The following ADAM22 variants were observed in gnomAD, a reference collection of about 807,000 sequenced individuals.
The protein encoded by ADAM22 is ADAM metallopeptidase domain 22.
ADAM22 carries 65 observed loss-of-function variants against 144.6 expected under a neutral mutation model. The ratio of observed to expected loss-of-function variants is 0.45; its 90% CI spans 0.37 to 0.55. The LOEUF (loss-of-function observed/expected upper bound fraction) is 0.55. Ranked by LOEUF, ADAM22 falls within the 20% of genes least tolerant of loss-of-function variation. The pLI, the probability that ADAM22 is intolerant of heterozygous loss-of-function variation, is 0.00. For missense variants in ADAM22, 974 were observed against 1,184.9 expected (o/e 0.82, Z 2.61); for synonymous variants, 391 against 412.6 (o/e 0.95, Z 0.63).
intron 14 of ADAM22, among the ~76,000 whole-genome samples, chr7:88,142,743 C>A (rs568861354): frequency 6.6e-6 from 1 of 151,478 alleles, no homozygotes; most frequent in African/African-American, 2.4e-5. Flanking sequence ...GAGGCTGAGG[C>A]AGGAGAATGG....
intron 3 of ADAM22, among the ~76,000 whole-genome samples, chr7:88,040,830 T>C (rs1303800071): frequency 6.6e-6 from 1 of 151,088 alleles, no homozygotes; most frequent in African/African-American, 2.4e-5. Flanking sequence ...GGTTTGGGGG[T>C]TTTCTCAGAG....
intron 5 of ADAM22, among the ~76,000 whole-genome samples, chr7:88,108,734 AAATAAAG>A (rs1825199011): frequency 8.2e-6 from 1 of 121,300 alleles, no homozygotes; most frequent in African/African-American, 2.8e-5. Context: ...GATTCAAAAA[AAATAAAG>A]AAAGAAAGAA....
At chr7:88,152,621 A>G (rs1306635217) in intron 20 of ADAM22, among the ~76,000 whole-genome samples, 1 of 152,126 alleles carries the variant, frequency 6.6e-6, no homozygotes, top group Non-Finnish European at 1.5e-5. Flanking sequence ...AGAATAGAGT[A>G]TATATTCAAG....
chr7:88,160,872 C>T (rs1841417776), intron 22 of ADAM22, among the ~76,000 whole-genome samples: 1 of 151,994 alleles, frequency 6.6e-6, no homozygotes, highest in Non-Finnish European at 1.5e-5. Flanking sequence ...AGGACAAAAA[C>T]CAAACACCGT....
intron 3 of ADAM22, among the ~76,000 whole-genome samples, chr7:87,980,900 C>G (rs34925064): frequency 0.27 from 41,704 of 152,022 alleles, 7,678 homozygotes; most frequent in Non-Finnish European, 0.39. Flanking sequence ...AACATATGGC[C>G]TGGTCTGGCC....
intron 3 of ADAM22, among the ~76,000 whole-genome samples, chr7:88,016,178 T>A (rs1256006641): frequency 6.6e-6 from 1 of 152,208 alleles, no homozygotes; most frequent in Non-Finnish European, 1.5e-5. Flanking sequence ...CTCTGAGTAA[T>A]CTTCATGCAA....
intron 4 of ADAM22, among the ~76,000 whole-genome samples, chr7:88,076,449 T>C (rs1320017021): frequency 1.3e-5 from 2 of 152,144 alleles, no homozygotes; most frequent in Non-Finnish European, 2.9e-5. Flanking sequence ...GGTGAAAACT[T>C]GGGTCCAGGG....
chr7:88,166,685 G>T (rs556163490), intron 24 of ADAM22, among the ~76,000 whole-genome samples: 1 of 152,136 alleles, frequency 6.6e-6, no homozygotes, highest in South Asian at 2.1e-4. Context: ...AGGGTAAACA[G>T]TTTTAGCTAA....
chr7:87,989,128 T>G (rs1789147956), intron 3 of ADAM22, among the ~76,000 whole-genome samples: 1 of 152,192 alleles, frequency 6.6e-6, no homozygotes, highest in Non-Finnish European at 1.5e-5. Context: ...TAGGTTTGGT[T>G]TTTGAAGGTG....
chr7:88,179,217 A>G, intron 27 of ADAM22, 88 bp downstream of exon 27: 1 of 560,948 alleles, frequency 1.8e-6, no homozygotes, highest in South Asian at 2.1e-5. Context: ...CCATATGCTC[A>G]GAACCACTCA....
chr7:88,092,554 T>TTATGCAGACA (rs1482029135), intron 4 of ADAM22, among the ~76,000 whole-genome samples: 8 of 152,234 alleles, frequency 5.3e-5, no homozygotes, highest in Admixed American at 2.0e-4. Flanking sequence ...CCTGGCAGGC[T>TTATGCAGACA]TATGCAGACA....
intron 3 of ADAM22, among the ~76,000 whole-genome samples, chr7:88,051,363 A>C (rs891708822): frequency 2.6e-5 from 4 of 152,222 alleles, no homozygotes; most frequent in Non-Finnish European, 4.4e-5. Context: ...ATGGAATACT[A>C]TGCAGCCATA....
At chr7:87,939,857 T>C (rs1054125116) in intron 2 of ADAM22, among the ~76,000 whole-genome samples, 2 of 152,196 alleles carry the variant, frequency 1.3e-5, no homozygotes, top group Non-Finnish European at 2.9e-5. Flanking sequence ...AGAGAACTTA[T>C]AGGTTATCTA....
chr7:87,988,708 G>A (rs914385262), intron 3 of ADAM22, among the ~76,000 whole-genome samples: 1 of 152,036 alleles, frequency 6.6e-6, no homozygotes, highest in African/African-American at 2.4e-5. Flanking sequence ...ATTATTTTTT[G>A]TGCTGCCTTT....
chr7:88,014,478 C>T (rs146555202), intron 3 of ADAM22, among the ~76,000 whole-genome samples: 2,356 of 152,226 alleles, frequency 0.015, 41 homozygotes, highest in Non-Finnish European at 0.022. Context: ...TGAAGTGGCT[C>T]ATACCTGTAA....
intron 3 of ADAM22, among the ~76,000 whole-genome samples, chr7:88,043,398 T>C (rs970800106): frequency 1.3e-5 from 2 of 150,508 alleles, no homozygotes; most frequent in East Asian, 1.9e-4. Context: ...GGCAGGAGAA[T>C]GGTGTAAACC....
intron 18 of ADAM22, 85 bp downstream of exon 18, chr7:88,149,142 T>C: frequency 1.1e-6 from 1 of 890,742 alleles, no homozygotes; most frequent in Non-Finnish European, 1.8e-6. Flanking sequence ...GAAATGTAAA[T>C]GAACAAGATG....
Position 87,938,097 on chromosome 7 carries a change from A to C in ADAM22, c.246+2911A>C, listed in dbSNP as rs549345084. ...CACTATTGGCATTTCTAGTTTCCCTAAGAGCAATCATTGGATTGAAAAACA... is the reference window on the plus strand; with the variant it reads ...CACTATTGGCATTTCTAGTTTCCCTCAGAGCAATCATTGGATTGAAAAACA... On this transcript the variant is annotated intron_variant, in intron 2 of 31. Transcript: ENST00000413139. Among the ~76,000 whole-genome samples the C allele has an allele frequency of 1.7e-4, 26 of 152,196 alleles. 1 individual carries two copies. In the South Asian group the frequency reaches 4.8e-3, roughly 28 times the overall value.
Position 88,143,006 on chromosome 7 carries a change from G to C in ADAM22, c.1221-20G>C. ...GAAAGATGAGTTGAACCCAGCTATT[G>C]CTTTTCTTCTCTTTTATAGCTATTA... On this transcript the variant is annotated intron_variant, in intron 14 of 31. Coordinates refer to ENST00000413139, the MANE Select transcript of ADAM22 (RefSeq NM_001324418.2). 1 of 1,496,208 alleles carries C rather than the reference G, an allele frequency of 6.7e-7. No homozygotes were observed. Among genetic ancestry groups the C allele is most frequent in the Non-Finnish European group, 9.3e-7 (1 of 1,079,204 alleles). 92.7% of individuals were successfully genotyped at this position (1,496,208 alleles called of 1,614,324 possible).
Sources: gnomAD v4.1 joint callset for allele counts (sites outside exome capture counted in the v4.1 genomes callset) on GRCh38, gnomAD v4.1.1 for gene constraint, MANE v1.5 for transcripts, NCBI Gene and HGNC (gene_info 2026-07-23, HGNC 2026-07-21) for gene names.